The following PRKCI variants were observed in gnomAD, a reference collection of about 807,000 sequenced individuals.
PRKCI encodes protein kinase C iota type.
PRKCI carries 43 observed loss-of-function variants against 84.0 expected under a neutral mutation model. That is an observed-to-expected ratio of 0.51 (90% CI 0.40 to 0.66). The LOEUF (loss-of-function observed/expected upper bound fraction) is 0.66, where lower values mean the gene tolerates loss of function less well. PRKCI is among the 30% of genes least tolerant of loss of function. The pLI, the probability that PRKCI is intolerant of heterozygous loss-of-function variation, is 0.00. For missense variants in PRKCI, 459 were observed against 745.6 expected (o/e 0.62, Z 4.48); for synonymous variants, 216 against 234.4 (o/e 0.92, Z 0.72).
At chr3:170,265,859 G>A (rs1733846458) in intron 4 of PRKCI, among the ~76,000 whole-genome samples, 1 of 151,864 alleles carries the variant, frequency 6.6e-6, no homozygotes, top group Non-Finnish European at 1.5e-5. Flanking sequence ...CTGATCTTGT[G>A]ATCTGCCCAC....
rs1445671164 is a variant in PRKCI at position 170,222,739 on chromosome 3, C to T, written c.70C>T (p.His24Tyr). Reference sequence around the variant, plus strand: ...AGGCGGCGGCAGCGGGGACCATTCCCACCAGGTCCGGGTGAAAGCCTACTA... The same window carrying T: ...AGGCGGCGGCAGCGGGGACCATTCCTACCAGGTCCGGGTGAAAGCCTACTA... Reference protein sequence around the residue: ...VAGGGSGDHSHQVRVKAYYRG... With the variant: ...VAGGGSGDHSYQVRVKAYYRG... The change falls in exon 1 of 18, where the codon CAC becomes TAC. Residue 24 changes from histidine (H) to tyrosine (Y), a missense_variant. By Grantham distance (83) the His-to-Tyr change is moderately conservative. This residue lies in a region of PRKCI where 250 missense variants were observed against 319.7 expected (regional missense o/e 0.78). Coordinates refer to ENST00000295797, the MANE Select transcript of PRKCI (RefSeq NM_002740.6). 3 of 1,611,098 alleles carry T rather than the reference C, an allele frequency of 1.9e-6. No homozygotes were observed. The highest frequency in any genetic ancestry group is 2.2e-5 in the South Asian group (2 of 90,648).
chr3:170,228,407 C>T (rs1732690187), intron 1 of PRKCI, among the ~76,000 whole-genome samples: 1 of 152,064 alleles, frequency 6.6e-6, no homozygotes, highest in African/African-American at 2.4e-5. Flanking sequence ...GGAGACCAGC[C>T]TGGGCTGAAT....
rs754646820 is a variant in PRKCI, at chr3:170,266,545, C to CT, written c.365-1367dup. Among the ~76,000 whole-genome samples the CT allele has an allele frequency of 7.4e-5, 11 of 147,698 alleles. No individual in the cohort carries two copies. In the South Asian group the frequency reaches 1.5e-3, roughly 21 times the overall value. On this transcript the variant is annotated intron_variant, in intron 4 of 17. Coordinates refer to ENST00000295797, the MANE Select transcript of PRKCI (RefSeq NM_002740.6). ...ATAATATGAAACAACTAACCAGACT[C>CT]TTTAAAAAAAAAAAAAAGTCAACAT...
intron 16 of PRKCI, among the ~76,000 whole-genome samples, chr3:170,297,789 A>G (rs1008928401): frequency 1.3e-5 from 2 of 151,874 alleles, no homozygotes; most frequent in Non-Finnish European, 2.9e-5. Context: ...CTTAGCTAAC[A>G]TATCACAGCT....
chr3:170,275,164 G>T (rs1380636970), intron 7 of PRKCI, 65 bp from the exon 8 acceptor site: 2 of 1,418,692 alleles, frequency 1.4e-6, no homozygotes, highest in Non-Finnish European at 1.8e-6. Flanking sequence ...CTCATTAATG[G>T]TTGCTGTTTT....
intron 8 of PRKCI, among the ~76,000 whole-genome samples, chr3:170,277,210 C>G (rs113351448): frequency 0.017 from 2,530 of 151,572 alleles, 82 homozygotes; most frequent in African/African-American, 0.058. Context: ...GATCATGCCA[C>G]TGCACTCCAG....
chr3:170,245,970 T>C (rs1236146345), intron 2 of PRKCI, among the ~76,000 whole-genome samples: 15 of 79,196 alleles, frequency 1.9e-4, no homozygotes, highest in South Asian at 1.3e-3. Flanking sequence ...TTTTTTTTTT[T>C]CTGACACAAA....
intron 3 of PRKCI, among the ~76,000 whole-genome samples, chr3:170,260,812 G>A (rs1733706601): frequency 6.6e-6 from 1 of 152,104 alleles, no homozygotes; most frequent in African/African-American, 2.4e-5. Context: ...TTGAGATGTA[G>A]GAAGTGGCAT....
At chr3:170,231,288 C>T (rs1308648784) in intron 1 of PRKCI, among the ~76,000 whole-genome samples, 1 of 151,746 alleles carries the variant, frequency 6.6e-6, no homozygotes, top group African/African-American at 2.4e-5. Flanking sequence ...TAATCATGTG[C>T]TTTTGTGAAT....
intron 15 of PRKCI, 144 bp from the exon 16 acceptor site, chr3:170,297,160 G>T (rs1051734477): frequency 1.6e-6 from 1 of 636,518 alleles, no homozygotes; most frequent in Non-Finnish European, 2.7e-6. Context: ...TTGTTCTGGA[G>T]TTGTACTTTC....
At chr3:170,263,736 A>G (rs1268163242) in intron 4 of PRKCI, among the ~76,000 whole-genome samples, 1 of 152,140 alleles carries the variant, frequency 6.6e-6, no homozygotes, top group Admixed American at 6.6e-5. Context: ...GTTTGAGGCT[A>G]CAGTGAGCCA....
chr3:170,285,078 C>CTTTT (rs199832004), intron 12 of PRKCI, among the ~76,000 whole-genome samples: 2 of 129,812 alleles, frequency 1.5e-5, no homozygotes, highest in African/African-American at 2.8e-5. Flanking sequence ...GTCTTCATTT[C>CTTTT]TTTTTTTTTT....
chr3:170,249,246 T>G (rs1733372567), intron 2 of PRKCI, among the ~76,000 whole-genome samples: 1 of 152,178 alleles, frequency 6.6e-6, no homozygotes, highest in African/African-American at 2.4e-5. Flanking sequence ...GTATTTGATT[T>G]GGTTCAATCT....
chr3:170,297,706 T>C (rs1734720032), intron 16 of PRKCI, among the ~76,000 whole-genome samples: 1 of 151,832 alleles, frequency 6.6e-6, no homozygotes, highest in Non-Finnish European at 1.5e-5. Context: ...TACACCCACC[T>C]CGGCCTCCCA....
intron 1 of PRKCI, among the ~76,000 whole-genome samples, chr3:170,234,674 A>G (rs77426200): frequency 0.02 from 3,105 of 152,282 alleles, 52 homozygotes; most frequent in East Asian, 0.085. Flanking sequence ...TTGAAAGAAA[A>G]ATTGCTTTAA....
chr3:170,250,437 C>CA (rs966380520), intron 2 of PRKCI, among the ~76,000 whole-genome samples: 1 of 100,924 alleles, frequency 9.9e-6, no homozygotes, highest in African/African-American at 3.8e-5. Flanking sequence ...TACCAACCCC[C>CA]CCCCCCCAAA....
At chr3:170,263,615 A>G (rs1733787025) in intron 4 of PRKCI, among the ~76,000 whole-genome samples, 186 bp downstream of exon 4, 2 of 152,048 alleles carry the variant, frequency 1.3e-5, no homozygotes, top group South Asian at 4.1e-4. Flanking sequence ...CAGCCTGGGC[A>G]ACAAAGTGAG....
At chr3:170,296,546 G>A (rs1175766966) in intron 15 of PRKCI, among the ~76,000 whole-genome samples, 1 of 152,012 alleles carries the variant, frequency 6.6e-6, no homozygotes, top group Non-Finnish European at 1.5e-5. Context: ...TGTGGTCTTG[G>A]CAATTATAAA....
intron 9 of PRKCI, 104 bp downstream of exon 9, chr3:170,280,507 G>GAGCCAAGATTGCACCACTA: frequency 9.0e-7 from 1 of 1,117,196 alleles, no homozygotes; most frequent in Non-Finnish European, 1.2e-6. Context: ...GAGTGCTAGT[G>GAGCCAAGATTGCACCACTA]GTGCAATCTT....
Sources: gnomAD v4.1 joint callset for allele counts (sites outside exome capture counted in the v4.1 genomes callset) on GRCh38, gnomAD v4.1.1 for gene constraint, gnomAD v4.1.1 regional missense constraint, MANE v1.5 for transcripts, NCBI Gene and HGNC (gene_info 2026-07-23, HGNC 2026-07-21) for gene names.